Variants in SLC24A3 observed in about 807,000 individuals in gnomAD.
SLC24A3 encodes solute carrier family 24 member 3.
In SLC24A3, 28 loss-of-function variants were observed where a neutral mutation model predicts 75.8. That is an observed-to-expected ratio of 0.37 (90% CI 0.27 to 0.51). The LOEUF (loss-of-function observed/expected upper bound fraction) is 0.51. Ranked by LOEUF, SLC24A3 falls within the 20% of genes least tolerant of loss-of-function variation. The pLI is 0.94. For missense variants in SLC24A3, 663 were observed against 847.8 expected (o/e 0.78, Z 2.71); for synonymous variants, 372 against 334.1 (o/e 1.11, Z -1.24).
chr20:19,402,211 C>T (rs1225720839), intron 2 of SLC24A3, among the ~76,000 whole-genome samples: 4 of 152,114 alleles, frequency 2.6e-5, no homozygotes, highest in South Asian at 4.1e-4. Context: ...AGGAAATGAT[C>T]ACAAAATAAT....
intron 2 of SLC24A3, among the ~76,000 whole-genome samples, chr20:19,512,852 G>A (rs549604243): frequency 6.6e-6 from 1 of 152,326 alleles, no homozygotes; most frequent in African/African-American, 2.4e-5. Flanking sequence ...CCACATACCT[G>A]TACCCACTGT....
At chr20:19,260,620 G>C (rs1157326650) in intron 1 of SLC24A3, among the ~76,000 whole-genome samples, 1 of 152,204 alleles carries the variant, frequency 6.6e-6, no homozygotes, top group East Asian at 1.9e-4. Flanking sequence ...TTCACAACAT[G>C]TGCATCCTCT....
chr20:19,223,460 T>G (rs1276345216), intron 1 of SLC24A3, among the ~76,000 whole-genome samples: 1 of 152,160 alleles, frequency 6.6e-6, no homozygotes, highest in Non-Finnish European at 1.5e-5. Context: ...TGGTAGTCCC[T>G]CAGTATCCAT....
chr20:19,295,640 A>T (rs748007817), intron 2 of SLC24A3, among the ~76,000 whole-genome samples: 1 of 152,174 alleles, frequency 6.6e-6, no homozygotes, highest in Non-Finnish European at 1.5e-5. Context: ...ATTTCTGTTT[A>T]TGTGATGAAT....
intron 6 of SLC24A3, among the ~76,000 whole-genome samples, chr20:19,595,780 G>T (rs1400870103): frequency 1.3e-5 from 2 of 152,190 alleles, no homozygotes; most frequent in African/African-American, 4.8e-5. Flanking sequence ...TGATGGAAAT[G>T]CATTGGGCAA....
chr20:19,544,512 C>T (rs904124561), intron 3 of SLC24A3, among the ~76,000 whole-genome samples: 5 of 152,130 alleles, frequency 3.3e-5, no homozygotes, highest in Non-Finnish European at 7.3e-5. Context: ...GAGGGGAAGC[C>T]TGACTGAGTG....
intron 2 of SLC24A3, among the ~76,000 whole-genome samples, chr20:19,511,473 G>A (rs1344460482): frequency 5.3e-5 from 8 of 151,934 alleles, no homozygotes; most frequent in African/African-American, 1.9e-4. Flanking sequence ...GACTACAGGC[G>A]CCCGCCACCA....
At chr20:19,561,774 A>T (rs1194200832) in intron 3 of SLC24A3, among the ~76,000 whole-genome samples, 1 of 152,108 alleles carries the variant, frequency 6.6e-6, no homozygotes, top group Non-Finnish European at 1.5e-5. Context: ...TGGCACTATT[A>T]TTTTTCCCAT....
At chr20:19,455,440 A>T (rs1987561835) in intron 2 of SLC24A3, among the ~76,000 whole-genome samples, 1 of 152,150 alleles carries the variant, frequency 6.6e-6, no homozygotes, top group African/African-American at 2.4e-5. Context: ...TCACCTGTAG[A>T]TACTTTTCAT....
At chr20:19,274,771 T>A (rs1171669940) in intron 1 of SLC24A3, among the ~76,000 whole-genome samples, 1 of 152,148 alleles carries the variant, frequency 6.6e-6, no homozygotes, top group Non-Finnish European at 1.5e-5. Context: ...TGCTGCTCAC[T>A]CAAGTCTGCA....
intron 3 of SLC24A3, among the ~76,000 whole-genome samples, chr20:19,555,573 C>T (rs1044996941): frequency 2.6e-5 from 4 of 152,164 alleles, no homozygotes; most frequent in African/African-American, 9.7e-5. Flanking sequence ...AGATCTGCTT[C>T]TGCTGTAATG....
chr20:19,249,224 C>T (rs1216497731), intron 1 of SLC24A3, among the ~76,000 whole-genome samples: 1 of 152,160 alleles, frequency 6.6e-6, no homozygotes, highest in Non-Finnish European at 1.5e-5. Flanking sequence ...CTTTGTAAAA[C>T]AAACTTACCA....
intron 4 of SLC24A3, among the ~76,000 whole-genome samples, chr20:19,582,711 C>A (rs2031235775): frequency 6.6e-6 from 1 of 152,132 alleles, no homozygotes; most frequent in African/African-American, 2.4e-5. Flanking sequence ...AGAGGGTCTC[C>A]AGAGTTTAGA....
chr20:19,608,781 A>G (rs185344882), intron 6 of SLC24A3, among the ~76,000 whole-genome samples: 2 of 152,358 alleles, frequency 1.3e-5, no homozygotes, highest in Non-Finnish European at 2.9e-5. Context: ...GTCAAAACAC[A>G]CAATATTCAC....
At chr20:19,563,577 G>T (rs1031014328) in intron 3 of SLC24A3, among the ~76,000 whole-genome samples, 5 of 152,146 alleles carry the variant, frequency 3.3e-5, no homozygotes, top group African/African-American at 1.2e-4. Context: ...AAAGAATATA[G>T]GCTTGAAGAG....
chr20:19,686,499 A>ATGGAC (rs1193693328), intron 12 of SLC24A3, among the ~76,000 whole-genome samples: 1 of 152,232 alleles, frequency 6.6e-6, no homozygotes, highest in Non-Finnish European at 1.5e-5. Flanking sequence ...TTTGATTCAC[A>ATGGAC]TGGACTGTCA....
At chr20:19,336,676 CCCGCCCG>C (rs1353038666) in intron 2 of SLC24A3, among the ~76,000 whole-genome samples, 3 of 66,764 alleles carry the variant, frequency 4.5e-5, no homozygotes, top group African/African-American at 1.9e-4. Flanking sequence ...AGCCACTGTG[CCCGCCCG>C]CCACCCCCCA....
At chr20:19,348,742 G>A (rs1322788846) in intron 2 of SLC24A3, among the ~76,000 whole-genome samples, 2 of 152,106 alleles carry the variant, frequency 1.3e-5, no homozygotes, top group African/African-American at 4.8e-5. Context: ...CATCCTCCAG[G>A]ATATGCCGAG....
intron 3 of SLC24A3, among the ~76,000 whole-genome samples, chr20:19,553,426 C>T (rs2030733501): frequency 6.6e-6 from 1 of 152,128 alleles, no homozygotes; most frequent in African/African-American, 2.4e-5. Context: ...GGGATACACT[C>T]AATTCAGAAA....
Sources: allele counts gnomAD v4.1 joint callset (sites outside exome capture counted in the v4.1 genomes callset), GRCh38; gene constraint gnomAD v4.1.1; transcripts MANE v1.5; gene names NCBI Gene and HGNC (gene_info 2026-07-23, HGNC 2026-07-21).